KIAA0513: variants seen among roughly 807,000 people sequenced by gnomAD.
The protein encoded by KIAA0513 is uncharacterized protein KIAA0513.
In KIAA0513, 39 loss-of-function variants were observed where a neutral mutation model predicts 56.5. The ratio of observed to expected loss-of-function variants is 0.69; its 90% CI spans 0.53 to 0.90. The LOEUF is 0.90. Among genes scored for constraint, KIAA0513 ranks in the 40% least tolerant of loss-of-function variants. The pLI is 0.00. For synonymous variants in KIAA0513, 268 were observed against 215.6 expected, an observed-to-expected ratio of 1.24 and a Z score of -2.13; for missense variants, 591 against 535.2, an observed-to-expected ratio of 1.10 and a Z score of -1.03.
At chr16:85,053,981 A>C in intron 1 of KIAA0513, among the ~76,000 whole-genome samples, 1 of 124,796 alleles carries the variant, frequency 8.0e-6, no homozygotes, top group Non-Finnish European at 1.6e-5. Context: ...ACAGAGCAAG[A>C]CTCTGTCTCA....
intron 1 of KIAA0513, among the ~76,000 whole-genome samples, chr16:85,045,281 G>A (rs1269084352): frequency 1.3e-5 from 2 of 152,188 alleles, no homozygotes; most frequent in Non-Finnish European, 2.9e-5. Context: ...GCTGATCAGG[G>A]CTGATTTATG....
chr16:85,071,921 C>G (rs757644118), intron 3 of KIAA0513, 39 bp downstream of exon 3: 6 of 1,319,502 alleles, frequency 4.5e-6, no homozygotes, highest in Non-Finnish European at 5.4e-6. Flanking sequence ...CGTTTACTCT[C>G]AAGGAAGAAT....
At chr16:85,086,986 G>A in intron 11 of KIAA0513, 86 bp from the exon 12 acceptor site, 1 of 1,294,098 alleles carries the variant, frequency 7.7e-7, no homozygotes, top group Non-Finnish European at 1.1e-6. Context: ...GCAGGCCATG[G>A]TGGGCGTCCC....
chr16:85,087,185 G>A lies in KIAA0513; in HGVS notation c.1186+19G>A. The A allele has an allele frequency of 6.2e-7, 1 of 1,603,214 alleles. No homozygotes were observed. The highest frequency in any genetic ancestry group is 8.5e-7 in the Non-Finnish European group (1 of 1,170,134). ...GATGAAGGTGCGTCTGGGGGAGGCT[G>A]CTGGCAGGAGGCGGGCAGGGCTGGG... On this transcript the variant is annotated intron_variant, in intron 12 of 12. Coordinates refer to ENST00000683363, the MANE Select transcript of KIAA0513 (RefSeq NM_001388359.1).
chr16:85,058,375 C>T (rs185572475), intron 1 of KIAA0513, among the ~76,000 whole-genome samples: 209 of 152,260 alleles, frequency 1.4e-3, no homozygotes, highest in South Asian at 8.5e-3. Flanking sequence ...CTGTTTTGGC[C>T]GGACGCGTTG....
intron 1 of KIAA0513, among the ~76,000 whole-genome samples, chr16:85,046,080 C>G (rs2073166933): frequency 6.6e-6 from 1 of 152,190 alleles, no homozygotes; most frequent in Non-Finnish European, 1.5e-5. Context: ...TGCATTCTGG[C>G]TTTGCACATT....
At chr16:85,039,410 C>A (rs2073077142) in intron 1 of KIAA0513, among the ~76,000 whole-genome samples, 1 of 152,174 alleles carries the variant, frequency 6.6e-6, no homozygotes. Flanking sequence ...TGAAGTGATC[C>A]TCCTGCATCA....
At chr16:85,066,396 G>A (rs2073481747) in intron 1 of KIAA0513, among the ~76,000 whole-genome samples, 1 of 152,194 alleles carries the variant, frequency 6.6e-6, no homozygotes, top group Non-Finnish European at 1.5e-5. Context: ...GGTTTGAGAA[G>A]GATGCTGAGA....
intron 10 of KIAA0513, 145 bp from the exon 11 acceptor site, chr16:85,086,499 G>A (rs1344256251): frequency 9.3e-6 from 7 of 752,020 alleles, no homozygotes; most frequent in African/African-American, 8.6e-5. Flanking sequence ...CCAGCACACG[G>A]CTCTCCGGTG....
chr16:85,090,676 A>C lies in KIAA0513; in HGVS notation c.*2351A>C, dbSNP rs7186182. 0.072 allele frequency: 10,944 copies of C among 152,238 alleles called. 465 individuals carry two copies. The highest frequency in any genetic ancestry group is 0.14 in the South Asian group (680 of 4,822). The allele number at this position is 152,238 out of a possible 1,614,324, so 9.4% of individuals were successfully genotyped here. ...TGTAGATCTAGCTCCTCAGAGTTGG[A>C]GGAAGGCTGACAGAGAAGGTCTCCT... On this transcript the variant is annotated 3_prime_UTR_variant, in exon 13 of 13. Transcript: ENST00000683363.
intron 1 of KIAA0513, among the ~76,000 whole-genome samples, chr16:85,042,384 C>G (rs529485510): frequency 1.3e-5 from 2 of 152,280 alleles, no homozygotes; most frequent in African/African-American, 4.8e-5. Context: ...CCCCGGTGTA[C>G]TGCAGCTATG....
In KIAA0513 at chr16:85,044,506, TTTTA is replaced by T. The variant is rs1481055173; in HGVS notation, c.-173+16652_-173+16655del. Among the ~76,000 whole-genome samples the T allele has an allele frequency of 3.0e-3, 440 of 144,624 alleles. 1 individual carries two copies. The highest frequency in any genetic ancestry group is 0.012 in the African/African-American group (419 of 35,458). The allele number at this position is 144,624 out of a possible 152,430, so 94.9% of individuals were successfully genotyped here. A position where few individuals can be genotyped will look rare whatever the true frequency, so the allele number is the denominator to read the frequency against. The stretch of plus-strand genomic sequence containing the variant: ...ACAAAGTAATGCTCCTCCTTTTTAT[TTTTA>T]TTTTTTTTTTTTTTTGAGACAGAGA... On this transcript the variant is annotated intron_variant, in intron 1 of 12. Transcript: ENST00000683363.
chr16:85,071,372 G>A (rs1374993023), intron 2 of KIAA0513, among the ~76,000 whole-genome samples: 1 of 152,358 alleles, frequency 6.6e-6, no homozygotes, highest in East Asian at 1.9e-4. Context: ...AAATTCAGGG[G>A]CTGGTTCCAT....
At chr16:85,075,755 T>C (rs1233382506) in intron 4 of KIAA0513, 89 bp from the exon 5 acceptor site, 3 of 1,073,774 alleles carry the variant, frequency 2.8e-6, no homozygotes, top group African/African-American at 1.5e-5. Flanking sequence ...TTGGGACGCA[T>C]GTGTCAAGTG....
At chr16:85,046,461 A>G (rs2073172693) in intron 1 of KIAA0513, among the ~76,000 whole-genome samples, 1 of 152,208 alleles carries the variant, frequency 6.6e-6, no homozygotes, top group Admixed American at 6.5e-5. Context: ...GCGTCAGCCC[A>G]GCGGAGGCCC....
Position 85,071,780 on chromosome 16 carries a change from TAGGG to T in KIAA0513, c.331_334del (p.Glu111ThrfsTer29). 2 of 1,567,886 alleles carry T rather than the reference TAGGG, an allele frequency of 1.3e-6. No homozygotes were observed. The highest frequency in any genetic ancestry group is 2.0e-5 in the Admixed American group (1 of 50,560). On this transcript the variant is annotated splice_acceptor_variant and coding_sequence_variant, in exon 3 of 13. Coordinates refer to ENST00000683363, the MANE Select transcript of KIAA0513 (RefSeq NM_001388359.1). ...TTCCTCTGCTCTTTTTTTTTTTTTT[TAGGG>T]AGGACTTGGATCAGGAGGAGAAAGC...
chr16:85,053,554 G>A (rs563829231), intron 1 of KIAA0513, among the ~76,000 whole-genome samples: 3 of 152,300 alleles, frequency 2.0e-5, no homozygotes, highest in East Asian at 3.9e-4. Context: ...CTCTGGATAA[G>A]GCAGCTCAGC....
At chr16:85,038,640 G>A (rs1163930639) in intron 1 of KIAA0513, among the ~76,000 whole-genome samples, 3 of 150,516 alleles carry the variant, frequency 2.0e-5, no homozygotes, top group East Asian at 1.9e-4. Context: ...CCTAGGAGGC[G>A]GAGGTTGCAG....
At chr16:85,071,203 C>G (rs1293981074) in intron 2 of KIAA0513, among the ~76,000 whole-genome samples, 1 of 152,186 alleles carries the variant, frequency 6.6e-6, no homozygotes, top group African/African-American at 2.4e-5. Flanking sequence ...GTCTCCATCC[C>G]TCTCACACAC....
Sources: gnomAD v4.1 joint callset for allele counts (sites outside exome capture counted in the v4.1 genomes callset) on GRCh38, gnomAD v4.1.1 for gene constraint, MANE v1.5 for transcripts, NCBI Gene and HGNC (gene_info 2026-07-23, HGNC 2026-07-21) for gene names.